Variants in DGKI observed in about 807,000 individuals in gnomAD.
DGKI encodes diacylglycerol kinase iota.
Under a neutral mutation model 147.5 loss-of-function variants are expected in DGKI, and 55 were observed. The ratio of observed to expected loss-of-function variants is 0.37; its 90% CI spans 0.30 to 0.47. DGKI has a LOEUF of 0.47. DGKI is among the 20% of genes least tolerant of loss of function. The pLI is 1.00. For missense variants in DGKI, 1,007 were observed against 1,323.8 expected, an observed-to-expected ratio of 0.76 and a Z score of 3.71; for synonymous variants, 469 against 477.1, an observed-to-expected ratio of 0.98 and a Z score of 0.22.
chr7:137,472,021 A>G (rs1563039551), intron 23 of DGKI, among the ~76,000 whole-genome samples: 2 of 134,030 alleles, frequency 1.5e-5, no homozygotes, highest in African/African-American at 2.8e-5. Context: ...ATATATACAT[A>G]TATATTATAT....
intron 1 of DGKI, among the ~76,000 whole-genome samples, chr7:137,772,855 G>GA (rs761970783): frequency 2.0e-5 from 3 of 152,184 alleles, no homozygotes; most frequent in Non-Finnish European, 4.4e-5. Context: ...CTCCACTTAG[G>GA]ATGATGAAGG....
chr7:137,490,016 T>C (rs1815706213), intron 21 of DGKI, among the ~76,000 whole-genome samples: 1 of 152,272 alleles, frequency 6.6e-6, no homozygotes, highest in East Asian at 1.9e-4. Flanking sequence ...CTAATATGGG[T>C]ATAAAATCAA....
chr7:137,709,590 T>C (rs141916067), intron 1 of DGKI, among the ~76,000 whole-genome samples: 149 of 152,254 alleles, frequency 9.8e-4, no homozygotes, highest in Middle Eastern at 6.8e-3. Flanking sequence ...ATACTTAGTA[T>C]AAAGTACTTA....
At chr7:137,618,522 G>A (rs1288700441) in intron 8 of DGKI, among the ~76,000 whole-genome samples, 1 of 151,358 alleles carries the variant, frequency 6.6e-6, no homozygotes, top group Non-Finnish European at 1.5e-5. Flanking sequence ...GTATTTTATC[G>A]CAATGCCTAT....
intron 2 of DGKI, among the ~76,000 whole-genome samples, chr7:137,689,139 C>T (rs1399340955): frequency 6.6e-6 from 1 of 152,176 alleles, no homozygotes; most frequent in Non-Finnish European, 1.5e-5. Context: ...TCAGACTCAA[C>T]TAAAAGTGCT....
chr7:137,714,914 C>T (rs944313033), intron 1 of DGKI, among the ~76,000 whole-genome samples: 8 of 152,140 alleles, frequency 5.3e-5, no homozygotes, highest in African/African-American at 1.7e-4. Context: ...ATTTCTATGC[C>T]TTCGTAAGTA....
intron 28 of DGKI, among the ~76,000 whole-genome samples, chr7:137,421,208 A>G (rs887498542): frequency 1.3e-5 from 2 of 152,096 alleles, no homozygotes; most frequent in African/African-American, 4.8e-5. Flanking sequence ...CTACCTTCTC[A>G]TCATCCCTGG....
intron 27 of DGKI, among the ~76,000 whole-genome samples, chr7:137,456,854 T>C (rs1044872997): frequency 6.6e-6 from 1 of 152,234 alleles, no homozygotes; most frequent in Admixed American, 6.5e-5. Flanking sequence ...CTGTTCTAAC[T>C]CTTCCACTAA....
intron 1 of DGKI, among the ~76,000 whole-genome samples, chr7:137,809,592 G>A (rs2116993831): frequency 6.6e-6 from 1 of 152,190 alleles, no homozygotes; most frequent in Non-Finnish European, 1.5e-5. Flanking sequence ...AATTCTCCAG[G>A]GCCAGAGAAG....
intron 20 of DGKI, among the ~76,000 whole-genome samples, chr7:137,544,034 T>C (rs1817787582): frequency 6.6e-6 from 1 of 152,172 alleles, no homozygotes; most frequent in South Asian, 2.1e-4. Flanking sequence ...AGATATAAAA[T>C]ATTTTCAAAT....
chr7:137,729,397 C>A (rs1794804699), intron 1 of DGKI, among the ~76,000 whole-genome samples: 1 of 152,088 alleles, frequency 6.6e-6, no homozygotes, highest in Non-Finnish European at 1.5e-5. Flanking sequence ...CACTTCAGGT[C>A]AGGAAACTAC....
intron 19 of DGKI, among the ~76,000 whole-genome samples, chr7:137,567,264 C>CAAA (rs3083517): frequency 0.14 from 17,376 of 124,190 alleles, 1,737 homozygotes; most frequent in African/African-American, 0.29. Context: ...AACTCCATCT[C>CAAA]AAAAAAAAAA....
At chr7:137,815,215 G>GAAA (rs1797704490) in intron 1 of DGKI, among the ~76,000 whole-genome samples, 1 of 152,126 alleles carries the variant, frequency 6.6e-6, no homozygotes, top group African/African-American at 2.4e-5. Context: ...GGAGCAGCTA[G>GAAA]AAAGAGAAGA....
chr7:137,663,381 C>T (rs1563138774), intron 3 of DGKI, among the ~76,000 whole-genome samples: 3 of 152,150 alleles, frequency 2.0e-5, no homozygotes, highest in Non-Finnish European at 4.4e-5. Flanking sequence ...TAAAAAGGGT[C>T]TAGCAGAGAA....
chr7:137,531,774 T>C (rs549466204), intron 20 of DGKI, among the ~76,000 whole-genome samples: 1 of 152,334 alleles, frequency 6.6e-6, no homozygotes, highest in South Asian at 2.1e-4. Context: ...AGGGTGTGGA[T>C]GAAGTGTTAT....
At chr7:137,717,105 G>A (rs547833332) in intron 1 of DGKI, among the ~76,000 whole-genome samples, 3 of 152,296 alleles carry the variant, frequency 2.0e-5, no homozygotes, top group Non-Finnish European at 2.9e-5. Context: ...TTTGGGCCAC[G>A]AAGTGACCAG....
chr7:137,561,785 A>G (rs1629172), intron 19 of DGKI, among the ~76,000 whole-genome samples: 18,057 of 152,164 alleles, frequency 0.12, 2,487 homozygotes, highest in African/African-American at 0.33. Context: ...ATATACAAGG[A>G]AATAATGATG....
intron 27 of DGKI, among the ~76,000 whole-genome samples, chr7:137,461,820 A>T (rs919280027): frequency 5.9e-5 from 9 of 152,124 alleles, no homozygotes; most frequent in Middle Eastern, 3.2e-3. Context: ...GACTGCAAAA[A>T]CTTATAGCTG....
intron 19 of DGKI, among the ~76,000 whole-genome samples, chr7:137,566,816 C>T (rs2691999): frequency 0.051 from 7,761 of 151,946 alleles, 503 homozygotes; most frequent in African/African-American, 0.13. Context: ...TTTTAAATTG[C>T]CCATTTCTAT....
Sources: gnomAD v4.1 joint callset for allele counts (sites outside exome capture counted in the v4.1 genomes callset) on GRCh38, gnomAD v4.1.1 for gene constraint, MANE v1.5 for transcripts, NCBI Gene and HGNC (gene_info 2026-07-23, HGNC 2026-07-21) for gene names.